ASNS: variants seen among roughly 807,000 people sequenced by gnomAD.
ASNS encodes asparagine synthetase [glutamine-hydrolyzing].
In ASNS, 37 loss-of-function variants were observed where a neutral mutation model predicts 62.6. The observed-to-expected ratio is 0.59, with a 90% confidence interval of 0.45 to 0.78. The LOEUF is 0.78. Among genes scored for constraint, ASNS ranks in the 30% least tolerant of loss-of-function variants. The probability of loss-of-function intolerance (pLI) is 0.00; values close to 1 mark genes in which losing one functional copy is unlikely to be tolerated. For synonymous variants in ASNS, 207 were observed against 237.9 expected (o/e 0.87, Z 1.19); for missense variants, 520 against 682.4 (o/e 0.76, Z 2.65).
chr7:97,860,968 T>C (rs1791684347), intron 4 of ASNS, among the ~76,000 whole-genome samples: 1 of 152,094 alleles, frequency 6.6e-6, no homozygotes, highest in South Asian at 2.1e-4. Flanking sequence ...CTCGGGATTT[T>C]ATAGTTTTAG....
intron 10 of ASNS, 55 bp from the exon 11 acceptor site, chr7:97,853,441 G>A (rs1791284637): frequency 1.1e-5 from 16 of 1,445,796 alleles, no homozygotes; most frequent in Non-Finnish European, 1.5e-5. Context: ...GTGCCTGCCA[G>A]GTTAGGTTCT....
At chr7:97,893,072 G>A in the ASNS span, among the ~76,000 whole-genome samples, 1 of 152,248 alleles carries the variant, frequency 6.6e-6, no homozygotes, top group East Asian at 1.9e-4. Flanking sequence ...CATTGCTGGG[G>A]AGGCTTCAAA....
intron 6 of ASNS, 128 bp from the exon 7 acceptor site, chr7:97,858,533 A>G (rs762661692): frequency 3.4e-6 from 4 of 1,162,612 alleles, no homozygotes; most frequent in Non-Finnish European, 4.8e-6. Flanking sequence ...AAGTTTTATA[A>G]ACTGAAATCA....
chr7:97,854,755 C>T (rs1374773428), intron 9 of ASNS, 75 bp from the exon 10 acceptor site: 4 of 1,601,032 alleles, frequency 2.5e-6, no homozygotes, highest in Non-Finnish European at 3.4e-6. Flanking sequence ...CTCTCCAATC[C>T]TAAAGGTGGA....
chr7:97,916,968 C>T, the ASNS span, among the ~76,000 whole-genome samples: 1 of 152,134 alleles, frequency 6.6e-6, no homozygotes, highest in Non-Finnish European at 1.5e-5. Flanking sequence ...TGTCCTACCC[C>T]ACAGTCTCTA....
intron 1 of ASNS, chr7:97,870,201 A>C: frequency 1.0e-6 from 1 of 993,812 alleles, no homozygotes; most frequent in Non-Finnish European, 1.4e-6. Flanking sequence ...GGCAGTGATG[A>C]CTGCCTTTCT....
the ASNS span, among the ~76,000 whole-genome samples, chr7:97,895,861 C>T: frequency 1.3e-5 from 2 of 151,920 alleles, no homozygotes; most frequent in Non-Finnish European, 2.9e-5. Flanking sequence ...ACAAAATCAA[C>T]ATACAAAAAT....
the ASNS span, among the ~76,000 whole-genome samples, chr7:97,894,663 G>A: frequency 6.6e-6 from 1 of 152,076 alleles, no homozygotes. Flanking sequence ...AGCCTACCAA[G>A]ATTGAACTAG....
the ASNS span, among the ~76,000 whole-genome samples, chr7:97,912,534 T>C: frequency 6.8e-6 from 1 of 147,064 alleles, no homozygotes; most frequent in Admixed American, 6.8e-5. Flanking sequence ...TTGCCTCCCC[T>C]AGGGGAGAGA....
the ASNS span, chr7:97,928,266 C>T: frequency 2.6e-6 from 4 of 1,523,746 alleles, no homozygotes; most frequent in South Asian, 3.6e-5. Flanking sequence ...TCGGGGCTTG[C>T]CAGTGGCTTT....
At chr7:97,896,032 C>T in the ASNS span, among the ~76,000 whole-genome samples, 4 of 149,832 alleles carry the variant, frequency 2.7e-5, no homozygotes, top group African/African-American at 7.4e-5. Flanking sequence ...AACCACAAAA[C>T]GCTGATAAAA....
chr7:97,884,845 C>G, the ASNS span, among the ~76,000 whole-genome samples: 7 of 152,194 alleles, frequency 4.6e-5, no homozygotes, highest in African/African-American at 1.7e-4. Context: ...TTTCATCACC[C>G]CAAAAAGAAA....
At chr7:97,876,988 T>C (rs1287983421), upstream of ASNS, among the ~76,000 whole-genome samples, 2 of 152,300 alleles carry the variant, frequency 1.3e-5, no homozygotes, top group Admixed American at 1.3e-4. Context: ...GACTCACTTG[T>C]TACAAATGGG....
At position 97,859,406 on chromosome 7, in the gene ASNS, T is replaced by C; in HGVS notation, c.488-8A>G. On this transcript the variant is annotated splice_polypyrimidine_tract_variant and splice_region_variant and intron_variant, in intron 4 of 12. Coordinates refer to ENST00000394308, the MANE Select transcript of ASNS (RefSeq NM_001673.5). ...GCTTCAATGTAACAAGACCTAGAAATTCACAATGATACCTTTATTCAAATT... is the reference window on the plus strand; with the variant it reads ...GCTTCAATGTAACAAGACCTAGAAACTCACAATGATACCTTTATTCAAATT... 1 of 1,593,850 alleles carries C rather than the reference T, an allele frequency of 6.3e-7. No individual in the cohort carries two copies. Among genetic ancestry groups the C allele is most frequent in the Non-Finnish European group, 8.6e-7 (1 of 1,168,588 alleles).
the ASNS span, among the ~76,000 whole-genome samples, chr7:97,907,274 T>C: frequency 1.3e-5 from 2 of 152,252 alleles, no homozygotes; most frequent in Non-Finnish European, 2.9e-5. Flanking sequence ...AAATATGTTG[T>C]GTTTCTCTTT....
chr7:97,882,506 T>C, the ASNS span, among the ~76,000 whole-genome samples: 1 of 151,102 alleles, frequency 6.6e-6, no homozygotes, highest in Non-Finnish European at 1.5e-5. Context: ...CGAGATCGCA[T>C]CACTGCACTC....
the ASNS span, among the ~76,000 whole-genome samples, chr7:97,923,081 C>A: frequency 4.3e-4 from 66 of 152,034 alleles, no homozygotes; most frequent in Non-Finnish European, 8.2e-4. Flanking sequence ...TGAGCCACTG[C>A]GCCTGGACAG....
the ASNS span, among the ~76,000 whole-genome samples, chr7:97,927,594 C>T: frequency 6.6e-6 from 1 of 152,272 alleles, no homozygotes; most frequent in Non-Finnish European, 1.5e-5. Context: ...TTGGCAGAGT[C>T]CACGTAAAAG....
At chr7:97,909,164 T>C in the ASNS span, among the ~76,000 whole-genome samples, 25,291 of 152,148 alleles carry the variant, frequency 0.17, 2,350 homozygotes, top group Middle Eastern at 0.23. Flanking sequence ...TCATGCGTGG[T>C]TGAGTTAGTA....
Sources: allele counts gnomAD v4.1 joint callset (sites outside exome capture counted in the v4.1 genomes callset), GRCh38; gene constraint gnomAD v4.1.1; transcripts MANE v1.5; gene names NCBI Gene and HGNC (gene_info 2026-07-23, HGNC 2026-07-21).